Variants in TULP4 observed in about 807,000 individuals in gnomAD.
TULP4 encodes TUB like protein 4.
In TULP4, 16 loss-of-function variants were observed where a neutral mutation model predicts 129.0. That is an observed-to-expected ratio of 0.12 (90% CI 0.08 to 0.19). The LOEUF (loss-of-function observed/expected upper bound fraction) is 0.19, where lower values mean the gene tolerates loss of function less well. TULP4 is among the 10% of genes least tolerant of loss of function. The pLI is 1.00. For missense variants in TULP4, 1,842 were observed against 2,059.1 expected, an observed-to-expected ratio of 0.89 and a Z score of 2.04; for synonymous variants, 998 against 854.0, an observed-to-expected ratio of 1.17 and a Z score of -2.94.
intron 8 of TULP4, among the ~76,000 whole-genome samples, chr6:158,488,470 G>A (rs1002736424): frequency 5.9e-5 from 9 of 152,252 alleles, no homozygotes; most frequent in Admixed American, 5.9e-4. Context: ...TGATGTGGGC[G>A]ACACAACCTG....
intron 1 of TULP4, among the ~76,000 whole-genome samples, chr6:158,340,524 C>T (rs538368664): frequency 1.1e-4 from 17 of 152,182 alleles, no homozygotes; most frequent in East Asian, 1.9e-4. Context: ...CAGAGTTGAC[C>T]GTACTGCTCC....
chr6:158,277,419 G>A (rs1778666807), upstream of TULP4, among the ~76,000 whole-genome samples: 2 of 152,228 alleles, frequency 1.3e-5, no homozygotes, highest in Admixed American at 1.3e-4. Flanking sequence ...TTACAGATTA[G>A]CCTGTGTAGC....
intron 1 of TULP4, among the ~76,000 whole-genome samples, chr6:158,355,370 G>A (rs1194769607): frequency 1.3e-5 from 2 of 152,166 alleles, no homozygotes; most frequent in Non-Finnish European, 2.9e-5. Flanking sequence ...ATAGACATGA[G>A]CCACTGTGAC....
chr6:158,311,136 C>G (rs112297172), upstream of TULP4, among the ~76,000 whole-genome samples: 37 of 152,266 alleles, frequency 2.4e-4, no homozygotes, highest in African/African-American at 8.2e-4. Context: ...GAGTCTTTTG[C>G]TGGGACTTGA....
Position 158,502,127 on chromosome 6 carries a change from G to T in TULP4, c.2464G>T (p.Ala822Ser). Reference protein sequence around the residue: ...AAEGDAVVFSAPQEVQVTKIN... With the variant: ...AAEGDAVVFSSPQEVQVTKIN... ...TGAGGGGGACGCAGTGGTCTTTAGTGCCCCCCAGGAGGTCCAGGTGACGAA... is the reference window on the plus strand; with the variant it reads ...TGAGGGGGACGCAGTGGTCTTTAGTTCCCCCCAGGAGGTCCAGGTGACGAA... The change falls in exon 13 of 14, where the codon GCC (alanine) becomes TCC (serine). Residue 822 changes from alanine to serine, a missense_variant. Transcript: ENST00000367097. 1 of 1,606,552 alleles carries T rather than the reference G, an allele frequency of 6.2e-7. No individual in the cohort carries two copies. Among genetic ancestry groups the T allele is most frequent in the Admixed American group, 1.7e-5 (1 of 59,380 alleles).
intron 12 of TULP4, among the ~76,000 whole-genome samples, 159 bp from the exon 13 acceptor site, chr6:158,501,519 C>T (rs560709403): frequency 1.3e-5 from 2 of 152,270 alleles, no homozygotes; most frequent in East Asian, 1.9e-4. Context: ...CTCCCTTGTG[C>T]GAGCAGGCCA....
Position 158,413,240 on chromosome 6 carries a change from G to T in TULP4, c.381+47G>T. 6.4e-7 allele frequency: 1 copy of T among 1,567,536 alleles called. No individual in the cohort carries two copies. Among genetic ancestry groups the T allele is most frequent in the South Asian group, 1.2e-5 (1 of 86,662 alleles). On this transcript the variant is annotated intron_variant, in intron 2 of 13. Transcript: ENST00000367097. This position sits in a 1 kb window ranked among gnomAD's most constrained non-coding sequence, Gnocchi z 4.9. The stretch of plus-strand genomic sequence containing the variant: ...GCCAGTGAAGGGCTGCGGGGTAGAG[G>T]ACTCCCAGACAGGCATTCCGGAGCC...
chr6:158,453,871 T>C (rs1337216974), intron 5 of TULP4, among the ~76,000 whole-genome samples: 3 of 151,536 alleles, frequency 2.0e-5, no homozygotes, highest in Non-Finnish European at 2.9e-5. Flanking sequence ...GAGAATCGCT[T>C]GAACCTGGGA....
At chr6:158,279,284 A>G (rs1778705896), upstream of TULP4, among the ~76,000 whole-genome samples, 1 of 152,144 alleles carries the variant, frequency 6.6e-6, no homozygotes, top group Admixed American at 6.5e-5. Flanking sequence ...GTAGATATTC[A>G]GAATTCAGAA....
intron 1 of TULP4, among the ~76,000 whole-genome samples, chr6:158,411,947 C>G (rs1323991220): frequency 1.3e-5 from 2 of 152,192 alleles, no homozygotes; most frequent in Non-Finnish European, 2.9e-5. Context: ...CACATGTTCA[C>G]AACTATTATA....
intron 1 of TULP4, among the ~76,000 whole-genome samples, chr6:158,346,455 A>G (rs1024218779): frequency 1.3e-5 from 2 of 152,200 alleles, no homozygotes; most frequent in African/African-American, 2.4e-5. Flanking sequence ...TCATCTGAAC[A>G]TAACTCTCGT....
At chr6:158,404,565 C>A (rs1777931351) in intron 1 of TULP4, among the ~76,000 whole-genome samples, 1 of 152,026 alleles carries the variant, frequency 6.6e-6, no homozygotes, top group South Asian at 2.1e-4. Flanking sequence ...ATCACAAGGT[C>A]ACGAGTTTGA....
At chr6:158,386,726 A>G (rs1252733249) in intron 1 of TULP4, among the ~76,000 whole-genome samples, 2 of 152,216 alleles carry the variant, frequency 1.3e-5, no homozygotes, top group East Asian at 1.9e-4. Flanking sequence ...TAGAAATATG[A>G]CTTTACCACT....
At chr6:158,498,866 G>A (rs1780386307) in intron 12 of TULP4, 54 bp downstream of exon 12, 3 of 1,601,394 alleles carry the variant, frequency 1.9e-6, no homozygotes, top group Admixed American at 3.4e-5. Flanking sequence ...AGTAGATCAT[G>A]CAAGGGGGAC....
At chr6:158,262,409 G>A (rs1778369172) in intron 1 of TULP4, among the ~76,000 whole-genome samples, 1 of 152,106 alleles carries the variant, frequency 6.6e-6, no homozygotes, top group Admixed American at 6.6e-5. Flanking sequence ...GAGAGCGTGT[G>A]AATCAGAGGT....
intron 6 of TULP4, among the ~76,000 whole-genome samples, chr6:158,467,790 T>G (rs138998003): frequency 6.6e-6 from 1 of 152,346 alleles, no homozygotes; most frequent in African/African-American, 2.4e-5. Context: ...ATTTTTCTGT[T>G]TCTCAGTTTA....
intron 1 of TULP4, among the ~76,000 whole-genome samples, chr6:158,354,019 A>C (rs1457898241): frequency 6.6e-6 from 1 of 152,204 alleles, no homozygotes; most frequent in East Asian, 1.9e-4. Flanking sequence ...AATTTTGTTG[A>C]CACAGGAGAT....
intron 3 of TULP4, among the ~76,000 whole-genome samples, chr6:158,443,965 A>G (rs1048338129): frequency 2.6e-5 from 4 of 152,054 alleles, no homozygotes; most frequent in East Asian, 1.9e-4. Flanking sequence ...CACGCCTGTA[A>G]TCCCAGCACT....
chr6:158,427,072 T>A (rs1778510887), intron 2 of TULP4, among the ~76,000 whole-genome samples: 1 of 152,250 alleles, frequency 6.6e-6, no homozygotes. Context: ...GTTGATTTCG[T>A]ATCCTGAGAC....
Sources: gnomAD v4.1 joint callset for allele counts (sites outside exome capture counted in the v4.1 genomes callset) on GRCh38, gnomAD v4.1.1 for gene constraint, Gnocchi (gnomAD v3.1) non-coding constraint, MANE v1.5 for transcripts, NCBI Gene and HGNC (gene_info 2026-07-23, HGNC 2026-07-21) for gene names.